The following NFS1 variants were observed in gnomAD, a reference collection of about 807,000 sequenced individuals.
The protein encoded by NFS1 is NFS1 cysteine desulfurase.
In NFS1, 26 loss-of-function variants were observed where a neutral mutation model predicts 57.3. The ratio of observed to expected loss-of-function variants is 0.45; its 90% CI spans 0.33 to 0.63. The LOEUF is 0.63. Ranked by LOEUF, NFS1 falls within the 20% of genes least tolerant of loss-of-function variation. NFS1 has a pLI of 0.02. For synonymous variants in NFS1, 209 were observed against 216.3 expected (o/e 0.97, Z 0.30); for missense variants, 505 against 605.8 (o/e 0.83, Z 1.75).
At chr20:35,685,402 G>A (rs1339313553) in intron 5 of NFS1, among the ~76,000 whole-genome samples, 2 of 150,738 alleles carry the variant, frequency 1.3e-5, no homozygotes, top group African/African-American at 4.9e-5. Context: ...CACATCTCTA[G>A]TTCTAGCTGC....
At position 35,669,542 on chromosome 20, in the gene NFS1, G is replaced by A. The variant is rs2034618145; in HGVS notation, c.*80C>T. The A allele has an allele frequency of 1.6e-6, 2 of 1,229,728 alleles. No individual in the cohort carries two copies. The highest frequency in any genetic ancestry group is 1.7e-5 in the Admixed American group (1 of 59,224). 76.2% of individuals were successfully genotyped at this position (1,229,728 alleles called of 1,614,324 possible). ...CTATACCAATCTAGAGCATCCACTAGGTGTAACAAGGTGTCTGGTTGTGCA... is the reference window on the plus strand; with the variant it reads ...CTATACCAATCTAGAGCATCCACTAAGTGTAACAAGGTGTCTGGTTGTGCA... On this transcript the variant is annotated 3_prime_UTR_variant, in exon 13 of 13. Coordinates refer to ENST00000374092, the MANE Select transcript of NFS1 (RefSeq NM_021100.5).
chr20:35,677,647 T>A (rs1449814844), intron 7 of NFS1, among the ~76,000 whole-genome samples: 1 of 152,240 alleles, frequency 6.6e-6, no homozygotes, highest in East Asian at 1.9e-4. Context: ...ATTCACCAAG[T>A]AATCAGGGCT....
chr20:35,680,595 A>G (rs1331397690), intron 7 of NFS1, 142 bp downstream of exon 7: 1 of 609,416 alleles, frequency 1.6e-6, no homozygotes, highest in Non-Finnish European at 2.5e-6. Flanking sequence ...GGCTATTGCT[A>G]AATGACATTT....
chr20:35,675,165 C>T lies in NFS1; in HGVS notation c.828G>A (p.Val276=). The change falls in exon 8 of 13, where the codon GTG becomes GTA. Residue 276 remains valine (V), a synonymous_variant. Coordinates refer to ENST00000374092, the MANE Select transcript of NFS1 (RefSeq NM_021100.5). ...GAIYIRRRPR[V]RVEALQSGGG... is the part of the protein sequence containing the mutation. ...CTCCACTCTGCAGGGCCTCCACACG[C>T]ACACGGGGCCGGCGACGGATGTAGA... 6.2e-7 allele frequency: 1 copy of T among 1,613,820 alleles called. No homozygotes were observed. The highest frequency in any genetic ancestry group is 8.5e-7 in the Non-Finnish European group (1 of 1,179,986).
At position 35,698,490 on chromosome 20, in the gene NFS1, T is replaced by G. The variant is rs765489755; in HGVS notation, c.198A>C (p.Thr66=). Residue 66 remains threonine (T), a synonymous_variant, in exon 2 of 13, where the codon ACA becomes ACC. Transcript: ENST00000374092. ...LRPLYMDVQA[T]TPLDPRVLDA... ...AAAGCTTCATCCTTACCAGAGGAGTTGTAGCTTGCACATCCATATAGAGAG... is the reference window on the plus strand; with the variant it reads ...AAAGCTTCATCCTTACCAGAGGAGTGGTAGCTTGCACATCCATATAGAGAG... 3.1e-6 allele frequency: 5 copies of G among 1,610,238 alleles called. No individual in the cohort carries two copies. In the South Asian group the frequency reaches 5.5e-5, roughly 18 times the overall value.
At chr20:35,698,834 A>C in intron 1 of NFS1, 1 of 1,361,896 alleles carries the variant, frequency 7.3e-7, no homozygotes, top group Non-Finnish European at 9.4e-7. Context: ...CGTAGGAAGG[A>C]AGGCTCTAAA....
chr20:35,676,758 GAAAAAAAAAAAA>G lies in NFS1; in HGVS notation c.791-1568_791-1557del, dbSNP rs746820595. On this transcript the variant is annotated intron_variant, in intron 7 of 12. Coordinates refer to ENST00000374092, the MANE Select transcript of NFS1 (RefSeq NM_021100.5). ...GCCTCCCAATAACCAGAGAAAATCA[GAAAAAAAAAAAA>G]AAAAAAAAAAAAAAACCAAGAAAGA... 2.3e-3 allele frequency among the ~76,000 whole-genome samples: 42 copies of G among 18,136 alleles called. 1 individual carries two copies. Among genetic ancestry groups the G allele is most frequent in the African/African-American group, 8.4e-3 (33 of 3,920 alleles). The allele number at this position is 18,136 out of a possible 152,430, so 11.9% of individuals were successfully genotyped here.
intron 1 of NFS1, 110 bp from the exon 2 acceptor site, chr20:35,698,700 G>C: frequency 6.9e-7 from 1 of 1,442,404 alleles, no homozygotes; most frequent in African/African-American, 1.4e-5. Context: ...AAGTGTAAGG[G>C]ATGCTAGGGT....
rs933969990 is a variant in NFS1 at position 35,673,996 on chromosome 20, C to T, written c.1137-312G>A. On this transcript the variant is annotated intron_variant, in intron 10 of 12. Coordinates refer to ENST00000374092, the MANE Select transcript of NFS1 (RefSeq NM_021100.5). ...GGACCATGTGCTCACTTCCCCAGGA[C>T]GTAATGCACCATCTGCACCAGCCTG... 11 of 441,784 alleles carry T rather than the reference C, an allele frequency of 2.5e-5. No individual in the cohort carries two copies. In the South Asian group the frequency reaches 2.6e-4, roughly 10 times the overall value. The allele number at this position is 441,784 out of a possible 1,614,324, so 27.4% of individuals were successfully genotyped here. A position where few individuals can be genotyped will look rare whatever the true frequency, so the allele number is the denominator to read the frequency against.
intron 5 of NFS1, 139 bp downstream of exon 5, chr20:35,690,274 C>T: frequency 2.5e-6 from 2 of 802,650 alleles, no homozygotes; most frequent in Non-Finnish European, 4.1e-6. Flanking sequence ...ATCTCGTTCT[C>T]TGCCAGGCTT....
intron 7 of NFS1, among the ~76,000 whole-genome samples, chr20:35,677,513 C>T (rs2034773604): frequency 6.6e-6 from 1 of 152,114 alleles, no homozygotes; most frequent in African/African-American, 2.4e-5. Flanking sequence ...CCACTCCAGG[C>T]TGGGCAACAG....
intron 4 of NFS1, among the ~76,000 whole-genome samples, chr20:35,693,160 T>C (rs2035073350): frequency 6.6e-6 from 1 of 152,166 alleles, no homozygotes; most frequent in South Asian, 2.1e-4. Flanking sequence ...TGGAGTGCAG[T>C]GGTGTGGTCT....
chr20:35,688,730 A>G (rs1485543085), intron 5 of NFS1, among the ~76,000 whole-genome samples: 1 of 146,872 alleles, frequency 6.8e-6, no homozygotes, highest in African/African-American at 2.5e-5. Flanking sequence ...AGACAGAGGG[A>G]GAGAGAGAGA....
rs764943478 is a variant in NFS1 at position 35,696,383 on chromosome 20, T to C, written c.402A>G (p.Ala134=). The C allele has an allele frequency of 9.3e-6, 15 of 1,611,634 alleles. No homozygotes were observed. The highest frequency in any genetic ancestry group is 1.2e-5 in the Non-Finnish European group (14 of 1,177,712). ...TSGATESNNI[A]IKGVARFYRS... ...TCTGGTTCCCTTCTCTTACCTTAAT[T>C]GCTATGTTGTTGGATTCAGTAGCAC... Residue 134 remains alanine, a synonymous_variant, in exon 4 of 13, where the codon GCA becomes GCG. Transcript: ENST00000374092.
chr20:35,683,388 A>G (rs1389135480), intron 5 of NFS1, among the ~76,000 whole-genome samples: 1 of 151,950 alleles, frequency 6.6e-6, no homozygotes, highest in African/African-American at 2.4e-5. Flanking sequence ...AGGCTGAGGC[A>G]GGAGAATCGC....
intron 5 of NFS1, among the ~76,000 whole-genome samples, chr20:35,683,865 C>T (rs1261731131): frequency 1.3e-5 from 2 of 151,590 alleles, no homozygotes; most frequent in African/African-American, 4.9e-5. Flanking sequence ...TGGTGGCTCA[C>T]GCCTGTAATC....
chr20:35,694,059 T>C (rs1417350545), intron 4 of NFS1, among the ~76,000 whole-genome samples: 2 of 152,004 alleles, frequency 1.3e-5, no homozygotes, highest in East Asian at 1.9e-4. Flanking sequence ...GATGAGAGGA[T>C]TGCTTGAGTC....
chr20:35,699,334 G>A lies in NFS1; in HGVS notation c.-46C>T, dbSNP rs1282653005. 9 of 1,393,874 alleles carry A rather than the reference G, an allele frequency of 6.5e-6. No homozygotes were observed. Among genetic ancestry groups the A allele is most frequent in the Non-Finnish European group, 8.4e-6 (9 of 1,076,152 alleles). The allele number at this position is 1,393,874 out of a possible 1,614,324, so 86.3% of individuals were successfully genotyped here. On this transcript the variant is annotated 5_prime_UTR_variant, in exon 1 of 13. Coordinates refer to ENST00000374092, the MANE Select transcript of NFS1 (RefSeq NM_021100.5). This position sits in a 1 kb window ranked among gnomAD's most constrained non-coding sequence, Gnocchi z 4.4. ...CCTTCCGAAGCCGCTGCAGTCCTGG[G>A]CCCCAGGCTCCCGGAAGTGCTGCCC... is the stretch of plus-strand genomic sequence containing the variant.
chr20:35,697,111 A>G (rs1356548759), intron 3 of NFS1, among the ~76,000 whole-genome samples: 1 of 151,456 alleles, frequency 6.6e-6, no homozygotes, highest in Non-Finnish European at 1.5e-5. Flanking sequence ...TGTCTCAAAT[A>G]ATAGTAAATA....
Sources: gnomAD v4.1 joint callset for allele counts (sites outside exome capture counted in the v4.1 genomes callset) on GRCh38, gnomAD v4.1.1 for gene constraint, Gnocchi (gnomAD v3.1) non-coding constraint, MANE v1.5 for transcripts, NCBI Gene and HGNC (gene_info 2026-07-23, HGNC 2026-07-21) for gene names.